Variants in VEGFA observed in about 807,000 individuals in gnomAD.
The protein encoded by VEGFA is vascular endothelial growth factor A, also known as vascular endothelial growth factor A, long form.
A neutral mutation model predicts 49.7 loss-of-function variants in VEGFA; 20 were observed. That is an observed-to-expected ratio of 0.40 (90% confidence interval 0.28 to 0.58). The LOEUF is 0.58. VEGFA is among the 20% of genes least tolerant of loss of function. The pLI, the probability that VEGFA is intolerant of heterozygous loss-of-function variation, is 0.40. For missense variants in VEGFA, 505 were observed against 553.5 expected, an observed-to-expected ratio of 0.91 and a Z score of 0.88; for synonymous variants, 219 against 223.4, an observed-to-expected ratio of 0.98 and a Z score of 0.18.
In VEGFA at chr6:43,770,634, C is replaced by T; in HGVS notation, c.-73C>T. On this transcript the variant is annotated 5_prime_UTR_variant, in exon 1 of 8. Transcript: ENST00000672860. ...AAAGCGACAGGGGCAAAGTGAGTGA[C>T]CTGCTTTTGGGGGTGACCGCCGGAG... 1.4e-6 allele frequency: 2 copies of T among 1,476,960 alleles called. No individual in the cohort carries two copies. Among genetic ancestry groups the T allele is most frequent in the Non-Finnish European group, 8.9e-7 (1 of 1,123,996 alleles). The allele number at this position is 1,476,960 out of a possible 1,614,324, so 91.5% of individuals were successfully genotyped here. A position where few individuals can be genotyped will look rare whatever the true frequency, so the allele number is the denominator to read the frequency against.
At chr6:43,776,398 T>C (rs893568615) in intron 2 of VEGFA, 4 of 151,964 alleles carry the variant, frequency 2.6e-5, no homozygotes, top group African/African-American at 9.7e-5. Flanking sequence ...CAATTTGGAG[T>C]AGTCATGCCA....
Position 43,777,656 on chromosome 6 carries a change from C to T in VEGFA, c.846C>T (p.Ile282=). Residue 282 remains isoleucine (I), a synonymous_variant, in exon 3 of 8, where the codon ATC becomes ATT. Coordinates refer to ENST00000672860, the MANE Select transcript of VEGFA (RefSeq NM_003376.6). This position sits in a 1 kb window ranked among gnomAD's most constrained non-coding sequence, Gnocchi z 4.3. The stretch of plus-strand genomic sequence containing the variant: ...GTGTGCCCACTGAGGAGTCCAACAT[C>T]ACCATGCAGGTGGGCATCTTTGGGA... The T allele has an allele frequency of 6.2e-7, 1 of 1,610,498 alleles. No individual in the cohort carries two copies. Among genetic ancestry groups the T allele is most frequent in the African/African-American group, 1.3e-5 (1 of 74,534 alleles).
chr6:43,782,302 C>T (rs915828596), intron 7 of VEGFA: 4 of 687,848 alleles, frequency 5.8e-6, no homozygotes, highest in Non-Finnish European at 9.5e-6. Context: ...CTGGCGGGGC[C>T]TGTTCCGAGG....
rs1469291769 is a variant in VEGFA, at chr6:43,771,139, C to G, written c.433C>G (p.Arg145Gly). Residue 145 changes from arginine (R) to glycine (G), a missense_variant, in exon 1 of 8, where the codon CGG becomes GGG. Physicochemically the swap from Arg to Gly is moderately radical, Grantham distance 125 (BLOSUM62 -2). Around this residue, in one of 2 missense-constraint regions of VEGFA, gnomAD observed 340 missense variants for 321.8 expected, o/e 1.06. Transcript: ENST00000672860. ...CCAGGCCCTGGCCCGGGCCTCGGGC[C>G]GGGGAGGAAGAGTAGCTCGCCGAGG... The G allele has an allele frequency of 6.0e-6, 9 of 1,503,706 alleles. No homozygotes were observed. Among genetic ancestry groups the G allele is most frequent in the Non-Finnish European group, 7.1e-6 (8 of 1,128,686 alleles). The allele number at this position is 1,503,706 out of a possible 1,614,324, so 93.1% of individuals were successfully genotyped here.
chr6:43,770,659 G>T lies in VEGFA; in HGVS notation c.-48G>T. 6.6e-7 allele frequency: 1 copy of T among 1,517,008 alleles called. No individual in the cohort carries two copies. The allele number at this position is 1,517,008 out of a possible 1,614,324, so 94.0% of individuals were successfully genotyped here. A position where few individuals can be genotyped will look rare whatever the true frequency, so the allele number is the denominator to read the frequency against. On this transcript the variant is annotated 5_prime_UTR_variant, in exon 1 of 8. Coordinates refer to ENST00000672860, the MANE Select transcript of VEGFA (RefSeq NM_003376.6). ...CCTGCTTTTGGGGGTGACCGCCGGA[G>T]CGCGGCGTGAGCCCTCCCCCTTGGG...
intron 7 of VEGFA, chr6:43,784,285 T>C (rs1271161133): frequency 8.4e-6 from 5 of 596,298 alleles, no homozygotes; most frequent in African/African-American, 1.9e-5. Flanking sequence ...CTCAAGTAGA[T>C]TGCAAGCTCA....
Position 43,785,556 on chromosome 6 carries a change from G to A in VEGFA, c.*994G>A, listed in dbSNP as rs1196527327. 17 of 210,278 alleles carry A rather than the reference G, an allele frequency of 8.1e-5. No individual in the cohort carries two copies. Among genetic ancestry groups the A allele is most frequent in the Middle Eastern group, 3.0e-3 (2 of 660 alleles). 13.0% of individuals were successfully genotyped at this position (210,278 alleles called of 1,614,324 possible). On this transcript the variant is annotated 3_prime_UTR_variant, in exon 8 of 8. Coordinates refer to ENST00000672860, the MANE Select transcript of VEGFA (RefSeq NM_003376.6). ...ATGACAGCTCCCCTTCCTGGGACTCGCCCTCATCCTCTTCCTGCTCCCCTT... is the reference window on the plus strand; with the variant it reads ...ATGACAGCTCCCCTTCCTGGGACTCACCCTCATCCTCTTCCTGCTCCCCTT...
chr6:43,777,617 C>T lies in VEGFA; in HGVS notation c.807C>T (p.Asp269=), dbSNP rs116798649. 1.7e-4 allele frequency: 279 copies of T among 1,613,242 alleles called. No homozygotes were observed. Among genetic ancestry groups the T allele is most frequent in the Middle Eastern group, 3.3e-4 (2 of 6,060 alleles). ...TGCGATGCGGGGGCTGCTGCAATGA[C>T]GAGGGCCTGGAGTGTGTGCCCACTG... The change falls in exon 3 of 8, where the codon GAC becomes GAT. Residue 269 remains aspartate (D), a synonymous_variant. Transcript: ENST00000672860. This position sits in a 1 kb window ranked among gnomAD's most constrained non-coding sequence, Gnocchi z 4.3.
In VEGFA at chr6:43,777,640, C is replaced by A. The variant is rs755361036; in HGVS notation, c.830C>A (p.Thr277Asn). 2 of 1,612,724 alleles carry A rather than the reference C, an allele frequency of 1.2e-6. No individual in the cohort carries two copies. The highest frequency in any genetic ancestry group is 2.7e-5 in the African/African-American group (2 of 74,550). Residue 277 changes from threonine (T) to asparagine (N), a missense_variant, in exon 3 of 8, where the codon ACT becomes AAT. By Grantham distance (65) the Thr-to-Asn change is moderately conservative (BLOSUM62 0). This residue lies in a region of VEGFA where 165 missense variants were observed against 231.7 expected (regional missense o/e 0.71). Transcript: ENST00000672860. The surrounding 1 kb of genome is among the most constrained non-coding windows in gnomAD (Gnocchi z 4.3). Reference sequence around the variant, plus strand: ...GACGAGGGCCTGGAGTGTGTGCCCACTGAGGAGTCCAACATCACCATGCAG... The same window carrying A: ...GACGAGGGCCTGGAGTGTGTGCCCAATGAGGAGTCCAACATCACCATGCAG...
intron 2 of VEGFA, chr6:43,775,910 T>G (rs566723624): frequency 6.6e-6 from 1 of 151,740 alleles, no homozygotes; most frequent in East Asian, 2.0e-4. Context: ...TTCTTCCCAA[T>G]CAACCTATTG....
intron 2 of VEGFA, chr6:43,776,528 C>T (rs1204977859): frequency 1.3e-5 from 2 of 152,280 alleles, no homozygotes; most frequent in African/African-American, 4.8e-5. Context: ...CCCTGGTCTC[C>T]CTTCAGATCA....
chr6:43,779,212 T>C (rs62401162), intron 5 of VEGFA: 92,013 of 547,194 alleles, frequency 0.17, 8,629 homozygotes, highest in South Asian at 0.27. Context: ...CAGGGGGCAC[T>C]GTGGACACTG....
At chr6:43,778,408 G>C (rs1424158644) in intron 3 of VEGFA, 52 bp from the exon 4 acceptor site, 1 of 1,541,678 alleles carries the variant, frequency 6.5e-7, no homozygotes, top group Non-Finnish European at 8.9e-7. Context: ...GTCCCATCTG[G>C]GTATGGCTGG....
rs1439458618 is a variant in VEGFA at position 43,773,468 on chromosome 6, G to A, written c.607-873G>A. ...AGGGGAGGAATGATCTGATGCGGGT[G>A]GGGAGGGTTAGAGGAGGCCTCAGGC... On this transcript the variant is annotated intron_variant, in intron 1 of 7. Coordinates refer to ENST00000672860, the MANE Select transcript of VEGFA (RefSeq NM_003376.6). The surrounding 1 kb of genome is among the most constrained non-coding windows in gnomAD (Gnocchi z 5.6). 2 of 152,282 alleles carry A rather than the reference G, an allele frequency of 1.3e-5. No homozygotes were observed. The highest frequency in any genetic ancestry group is 4.8e-5 in the African/African-American group (2 of 41,440). The allele number at this position is 152,282 out of a possible 1,614,324, so 9.4% of individuals were successfully genotyped here.
At chr6:43,782,274 T>A (rs1400471171) in intron 7 of VEGFA, 187 bp downstream of exon 7, 1 of 882,828 alleles carries the variant, frequency 1.1e-6, no homozygotes, top group Non-Finnish European at 1.7e-6. Flanking sequence ...TGTGGTGGGC[T>A]GCAGGCACTG....
intron 4 of VEGFA, 90 bp from the exon 5 acceptor site, chr6:43,778,799 T>A: frequency 7.0e-7 from 1 of 1,430,378 alleles, no homozygotes; most frequent in Non-Finnish European, 9.9e-7. Flanking sequence ...CTGTTTTTAC[T>A]GTGATTATTA....
intron 1 of VEGFA, chr6:43,771,991 G>C (rs1763762927): frequency 1.0e-6 from 1 of 984,992 alleles, no homozygotes; most frequent in African/African-American, 1.7e-5. Context: ...CATCAGCCCG[G>C]GCCTGGCCGG....
chr6:43,780,448 C>T (rs1447695379), intron 5 of VEGFA: 2 of 478,572 alleles, frequency 4.2e-6, no homozygotes, highest in East Asian at 8.3e-5. Context: ...GTGCCCTCCA[C>T]CCAGTCTCGG....
Position 43,777,121 on chromosome 6 carries a change from A to T in VEGFA, c.659-348A>T. 9 of 386,716 alleles carry T rather than the reference A, an allele frequency of 2.3e-5. No homozygotes were observed. The highest frequency in any genetic ancestry group is 1.7e-4 in the South Asian group (8 of 46,628). The allele number at this position is 386,716 out of a possible 1,614,324, so 24.0% of individuals were successfully genotyped here. On this transcript the variant is annotated intron_variant, in intron 2 of 7. Transcript: ENST00000672860. This position sits in a 1 kb window ranked among gnomAD's most constrained non-coding sequence, Gnocchi z 4.3. ...CCTCCTTTTAGGGAAAGCTTAGAGC[A>T]TCCCCATGGGGTATACCCATACTCA...
Sources: gnomAD v4.1 joint callset for allele counts on GRCh38, gnomAD v4.1.1 for gene constraint, gnomAD v4.1.1 regional missense constraint, Gnocchi (gnomAD v3.1) non-coding constraint, MANE v1.5 for transcripts, NCBI Gene and HGNC (gene_info 2026-07-23, HGNC 2026-07-21) for gene names.